SLC35F1: variants seen among roughly 807,000 people sequenced by gnomAD.
SLC35F1 encodes the protein chromosome 6 open reading frame 169.
A neutral mutation model predicts 48.7 loss-of-function variants in SLC35F1; 14 were observed. The observed-to-expected ratio is 0.29, with a 90% CI of 0.19 to 0.45. The LOEUF (loss-of-function observed/expected upper bound fraction) is 0.45. SLC35F1 is among the 20% of genes least tolerant of loss of function. The pLI, the probability that SLC35F1 is intolerant of heterozygous loss-of-function variation, is 1.00. For synonymous variants in SLC35F1, 190 were observed against 202.2 expected, an observed-to-expected ratio of 0.94 and a Z score of 0.51; for missense variants, 404 against 500.0, an observed-to-expected ratio of 0.81 and a Z score of 1.83.
chr6:118,100,324 C>T (rs952318448), intron 1 of SLC35F1, among the ~76,000 whole-genome samples: 5 of 152,050 alleles, frequency 3.3e-5, no homozygotes, highest in African/African-American at 1.2e-4. Context: ...CATAGTTAGC[C>T]AAACTTGAGG....
At chr6:118,128,045 A>C (rs1289247159) in intron 1 of SLC35F1, among the ~76,000 whole-genome samples, 7 of 149,198 alleles carry the variant, frequency 4.7e-5, no homozygotes, top group African/African-American at 9.7e-5. Context: ...ATGCAGCCAA[A>C]AGACACATGA....
intron 5 of SLC35F1, 63 bp from the exon 6 acceptor site, chr6:118,277,431 A>G: frequency 7.0e-7 from 1 of 1,422,672 alleles, no homozygotes; most frequent in Non-Finnish European, 9.9e-7. Flanking sequence ...GGGAAAAAAG[A>G]AAGAAAGAAA....
At chr6:118,062,594 A>G (rs1194347371) in intron 1 of SLC35F1, among the ~76,000 whole-genome samples, 1 of 152,212 alleles carries the variant, frequency 6.6e-6, no homozygotes, top group African/African-American at 2.4e-5. Context: ...TTTTAAAAAT[A>G]ACGGCAACAG....
chr6:118,214,855 G>T (rs1775051726), intron 2 of SLC35F1, among the ~76,000 whole-genome samples: 1 of 152,284 alleles, frequency 6.6e-6, no homozygotes, highest in Admixed American at 6.5e-5. Flanking sequence ...AGTGCTTAAG[G>T]GGTGTAAATC....
intron 1 of SLC35F1, among the ~76,000 whole-genome samples, chr6:117,989,405 T>A (rs1776889030): frequency 6.6e-6 from 1 of 152,212 alleles, no homozygotes; most frequent in South Asian, 2.1e-4. Context: ...AATTTGGGAT[T>A]CTTCTGCATG....
At chr6:118,119,047 G>C (rs1773515999) in intron 1 of SLC35F1, among the ~76,000 whole-genome samples, 1 of 151,554 alleles carries the variant, frequency 6.6e-6, no homozygotes, top group Admixed American at 6.6e-5. Context: ...TGCTTAAGGT[G>C]GCATTAAACT....
intron 1 of SLC35F1, among the ~76,000 whole-genome samples, chr6:118,032,421 A>G (rs1772067773): frequency 6.6e-6 from 1 of 152,212 alleles, no homozygotes; most frequent in Non-Finnish European, 1.5e-5. Flanking sequence ...ACTTGGGGCT[A>G]GACACATGAG....
At chr6:118,101,757 A>G (rs936885007) in intron 1 of SLC35F1, among the ~76,000 whole-genome samples, 4 of 152,340 alleles carry the variant, frequency 2.6e-5, no homozygotes, top group African/African-American at 7.2e-5. Flanking sequence ...GAAGCATGCT[A>G]TGCATGGATG....
At chr6:118,189,163 G>A (rs185636888) in intron 2 of SLC35F1, among the ~76,000 whole-genome samples, 233 of 152,024 alleles carry the variant, frequency 1.5e-3, no homozygotes, top group Non-Finnish European at 1.7e-3. Context: ...CTCCTGCCTC[G>A]GCCTCCTAGA....
rs547825413 is a variant in SLC35F1 at position 118,139,033 on chromosome 6, A to T, written c.174-15412A>T. On this transcript the variant is annotated intron_variant, in intron 1 of 7. Transcript: ENST00000360388. ...ATCAAGGAAAATAAATGATATTCAG[A>T]TTCTGTTCAAATCACTTTCACAGTC... Among the ~76,000 whole-genome samples, 11 of 152,284 alleles carry T rather than the reference A, an allele frequency of 7.2e-5. No homozygotes were observed. The South Asian group carries it at 2.3e-3, about 32-fold the overall frequency.
intron 1 of SLC35F1, among the ~76,000 whole-genome samples, chr6:117,923,249 A>C (rs78327491): frequency 0.014 from 2,181 of 151,992 alleles, 45 homozygotes; most frequent in African/African-American, 0.047. Context: ...ATGTGCTGGC[A>C]CCTCAGAATA....
chr6:118,297,630 A>ATAT (rs142754766), intron 7 of SLC35F1, among the ~76,000 whole-genome samples: 48,152 of 129,704 alleles, frequency 0.37, 9,731 homozygotes, highest in Middle Eastern at 0.46. Flanking sequence ...ACTTATATAT[A>ATAT]TATATATAAA....
chr6:118,264,174 C>T (rs1775744697), intron 3 of SLC35F1, among the ~76,000 whole-genome samples: 1 of 152,146 alleles, frequency 6.6e-6, no homozygotes, highest in Non-Finnish European at 1.5e-5. Context: ...CGGTCAAGGC[C>T]CAGCAATGCT....
intron 7 of SLC35F1, among the ~76,000 whole-genome samples, chr6:118,306,341 T>A (rs6940985): frequency 6.6e-6 from 1 of 151,830 alleles, no homozygotes; most frequent in Admixed American, 6.6e-5. Flanking sequence ...ATGATGACAT[T>A]TCCATTTCCA....
chr6:118,005,420 C>T (rs1777161258), intron 1 of SLC35F1, among the ~76,000 whole-genome samples: 2 of 152,092 alleles, frequency 1.3e-5, no homozygotes, highest in Non-Finnish European at 2.9e-5. Flanking sequence ...TTTATTTTTT[C>T]TCTGATGTTA....
At chr6:118,095,564 T>C (rs1773141780) in intron 1 of SLC35F1, among the ~76,000 whole-genome samples, 1 of 151,966 alleles carries the variant, frequency 6.6e-6, no homozygotes, top group African/African-American at 2.4e-5. Context: ...TTAATTTCTA[T>C]AGGCCCGTGT....
intron 1 of SLC35F1, among the ~76,000 whole-genome samples, chr6:118,085,487 C>CTTTTTTTTTTTTTTTTTTTT (rs59548308): frequency 2.1e-4 from 12 of 56,960 alleles, no homozygotes; most frequent in Non-Finnish European, 2.8e-4. Context: ...TCTTTCTTTC[C>CTTTTTTTTTTTTTTTTTTTT]TTTTTTTTTT....
intron 1 of SLC35F1, among the ~76,000 whole-genome samples, chr6:118,127,154 C>A (rs1362854438): frequency 4.0e-5 from 6 of 151,004 alleles, no homozygotes; most frequent in African/African-American, 1.2e-4. Flanking sequence ...AGATACGTCC[C>A]ATCAATACCT....
intron 1 of SLC35F1, among the ~76,000 whole-genome samples, chr6:118,021,566 A>G (rs907834469): frequency 6.6e-6 from 1 of 152,178 alleles, no homozygotes; most frequent in Non-Finnish European, 1.5e-5. Context: ...CATCTATTCA[A>G]TATGTGTAAT....
Sources: gnomAD v4.1 joint callset for allele counts (sites outside exome capture counted in the v4.1 genomes callset) on GRCh38, gnomAD v4.1.1 for gene constraint, MANE v1.5 for transcripts, NCBI Gene and HGNC (gene_info 2026-07-23, HGNC 2026-07-21) for gene names.